Variants in SATB2 observed in about 807,000 individuals in gnomAD.
The protein encoded by SATB2 is SATB homeobox 2.
In SATB2, 1 loss-of-function variant was observed where a neutral mutation model predicts 73.4. The observed-to-expected ratio is 0.01, with a 90% CI of 0.00 to 0.06. The LOEUF is 0.06. Among genes scored for constraint, SATB2 ranks in the 10% least tolerant of loss-of-function variants. The probability of loss-of-function intolerance (pLI) is 1.00; values close to 1 mark genes in which losing one functional copy is unlikely to be tolerated. For missense variants in SATB2, 459 were observed against 945.8 expected (o/e 0.49, Z 6.75); for synonymous variants, 397 against 367.0 (o/e 1.08, Z -0.93).
chr2:199,451,091 AACACACACACACACACACACACACACAC>A (rs56071011), intron 2 of SATB2, among the ~76,000 whole-genome samples: 1 of 139,220 alleles, frequency 7.2e-6, no homozygotes, highest in Admixed American at 7.2e-5. Flanking sequence ...ATGTAGTTCC[AACACACACACACACACACACACACACAC>A]ACACACACAC....
At chr2:199,415,683 G>A (rs1690957588) in intron 3 of SATB2, among the ~76,000 whole-genome samples, 2 of 152,214 alleles carry the variant, frequency 1.3e-5, no homozygotes, top group African/African-American at 4.8e-5. Context: ...ATGAGGTTGT[G>A]CCTGGTGAGT....
At chr2:199,413,911 A>G (rs1461266134) in intron 3 of SATB2, among the ~76,000 whole-genome samples, 1 of 152,188 alleles carries the variant, frequency 6.6e-6, no homozygotes, top group Non-Finnish European at 1.5e-5. Flanking sequence ...TGTTTGGTTA[A>G]GCCGCTGTTG....
Position 199,425,492 on chromosome 2 carries a change from T to A in SATB2, c.346+7846A>T, listed in dbSNP as rs557562613. Among the ~76,000 whole-genome samples, 57 of 152,322 alleles carry A rather than the reference T, an allele frequency of 3.7e-4. No homozygotes were observed. In the South Asian group the frequency reaches 6.0e-3, roughly 16 times the overall value. ...TTTCCACTGATAGGACTTTTTTTAG[T>A]GGGCATTCAAGTAGAAAATTCAAGG... is the stretch of plus-strand genomic sequence containing the variant. On this transcript the variant is annotated intron_variant, in intron 3 of 10. Coordinates refer to ENST00000417098, the MANE Select transcript of SATB2 (RefSeq NM_001172509.2).
exon 1 of SATB2, chr2:199,471,128 A>T (rs916733426): frequency 1.3e-5 from 2 of 152,384 alleles, no homozygotes; most frequent in African/African-American, 2.4e-5. Flanking sequence ...ATCCCAGGGC[A>T]TCCGGAGCTG....
intron 6 of SATB2, among the ~76,000 whole-genome samples, chr2:199,363,501 C>A (rs1341395530): frequency 2.6e-5 from 4 of 151,982 alleles, no homozygotes; most frequent in Non-Finnish European, 5.9e-5. Flanking sequence ...GAGGTGGGAG[C>A]AGTGAGATGA....
chr2:199,297,785 TGCTTTTTAA>T (rs901368185), intron 10 of SATB2, among the ~76,000 whole-genome samples: 1 of 126,440 alleles, frequency 7.9e-6, no homozygotes, highest in African/African-American at 2.6e-5. Flanking sequence ...GTAGCCTTTT[TGCTTTTTAA>T]GCTTAAAAAA....
intron 3 of SATB2, chr2:199,397,129 T>C (rs1295982115): frequency 6.6e-6 from 1 of 152,218 alleles, no homozygotes; most frequent in Non-Finnish European, 1.5e-5. Flanking sequence ...TCTAGTATAC[T>C]TTCAAATCAG....
intron 3 of SATB2, among the ~76,000 whole-genome samples, chr2:199,407,584 G>A (rs927850016): frequency 6.6e-6 from 1 of 152,070 alleles, no homozygotes; most frequent in African/African-American, 2.4e-5. Context: ...AAAAACACAG[G>A]ACAACTGCTG....
intron 3 of SATB2, among the ~76,000 whole-genome samples, chr2:199,426,227 G>A (rs1355091587): frequency 6.6e-6 from 1 of 152,104 alleles, no homozygotes; most frequent in African/African-American, 2.4e-5. Context: ...GAGAGAGAGT[G>A]AAAGGAAGAA....
intron 9 of SATB2, among the ~76,000 whole-genome samples, chr2:199,312,449 T>A (rs1287895392): frequency 6.6e-6 from 1 of 152,182 alleles, no homozygotes; most frequent in Non-Finnish European, 1.5e-5. Context: ...ATTATAACTG[T>A]TTGAGCATAG....
chr2:199,451,649 A>G (rs527481431), intron 2 of SATB2, among the ~76,000 whole-genome samples: 1 of 152,188 alleles, frequency 6.6e-6, no homozygotes, highest in South Asian at 2.1e-4. Context: ...TCCTTTCAAA[A>G]AGTTAAATGT....
intron 3 of SATB2, among the ~76,000 whole-genome samples, chr2:199,432,161 G>C (rs1294897536): frequency 6.6e-6 from 1 of 152,188 alleles, no homozygotes; most frequent in Non-Finnish European, 1.5e-5. Flanking sequence ...ACTGCGCTGG[G>C]ATTCACAATA....
At chr2:199,307,656 T>C (rs946088373) in intron 10 of SATB2, among the ~76,000 whole-genome samples, 11 of 152,100 alleles carry the variant, frequency 7.2e-5, no homozygotes, top group Admixed American at 7.2e-4. Context: ...CACAAAAGCA[T>C]AGCACAAAAG....
At chr2:199,292,019 A>G (rs1459080761) in intron 10 of SATB2, among the ~76,000 whole-genome samples, 1 of 152,210 alleles carries the variant, frequency 6.6e-6, no homozygotes, top group African/African-American at 2.4e-5. Flanking sequence ...GAACAGATTT[A>G]ATGAGATATT....
At chr2:199,442,418 G>A (rs1391850594) in intron 2 of SATB2, among the ~76,000 whole-genome samples, 1 of 152,194 alleles carries the variant, frequency 6.6e-6, no homozygotes, top group Non-Finnish European at 1.5e-5. Context: ...TAACAAAGTG[G>A]CATGCTGCAC....
chr2:199,327,397 C>T (rs1688059124), intron 8 of SATB2, among the ~76,000 whole-genome samples: 2 of 152,160 alleles, frequency 1.3e-5, no homozygotes, highest in Non-Finnish European at 1.5e-5. Context: ...GCCATGATCA[C>T]ACCACTGCAC....
chr2:199,332,230 A>T (rs569574211), intron 7 of SATB2, among the ~76,000 whole-genome samples: 4 of 152,256 alleles, frequency 2.6e-5, no homozygotes, highest in Admixed American at 6.6e-5. Flanking sequence ...TTCTCCAGGG[A>T]CACATTAAAA....
intron 4 of SATB2, 79 bp downstream of exon 4, chr2:199,381,615 A>G: frequency 6.4e-7 from 1 of 1,555,312 alleles, no homozygotes; most frequent in Non-Finnish European, 8.9e-7. Context: ...TAGACAGGAC[A>G]TGCTGATCTT....
Position 199,403,409 on chromosome 2 carries a change from G to A in SATB2, c.347-21589C>T, listed in dbSNP as rs1559033419. ...TATATAGATAGCCAATTGCCTATAAGGAAAGAAAGAAAAGAGACTATGAGG... is the reference window on the plus strand; with the variant it reads ...TATATAGATAGCCAATTGCCTATAAAGAAAGAAAGAAAAGAGACTATGAGG... On this transcript the variant is annotated intron_variant, in intron 3 of 10. Transcript: ENST00000417098. Among the ~76,000 whole-genome samples the A allele has an allele frequency of 9.9e-5, 15 of 152,000 alleles. No individual in the cohort carries two copies. In the South Asian group the frequency reaches 3.1e-3, roughly 32 times the overall value.
Sources: gnomAD v4.1 joint callset for allele counts (sites outside exome capture counted in the v4.1 genomes callset) on GRCh38, gnomAD v4.1.1 for gene constraint, MANE v1.5 for transcripts, NCBI Gene and HGNC (gene_info 2026-07-23, HGNC 2026-07-21) for gene names.